Variants in ABI3BP observed in about 807,000 individuals in gnomAD.
ABI3BP encodes target of Nesh-SH3.
Under a neutral mutation model 268.6 loss-of-function variants are expected in ABI3BP, and 216 were observed. The ratio of observed to expected loss-of-function variants is 0.80; its 90% CI spans 0.72 to 0.90. The LOEUF is 0.90. Ranked by LOEUF, ABI3BP falls within the 40% of genes least tolerant of loss-of-function variation. The pLI, the probability that ABI3BP is intolerant of heterozygous loss-of-function variation, is 0.00. For synonymous variants in ABI3BP, 730 were observed against 730.0 expected, an observed-to-expected ratio of 1.00 and a Z score of 0.00; for missense variants, 2,090 against 2,182.4, an observed-to-expected ratio of 0.96 and a Z score of 0.84.
chr3:100,932,930 A>G (rs1310215479), intron 1 of ABI3BP, among the ~76,000 whole-genome samples: 4 of 151,868 alleles, frequency 2.6e-5, no homozygotes, highest in Non-Finnish European at 5.9e-5. Context: ...AAGCTAAACT[A>G]TCATGGACAT....
intron 1 of ABI3BP, among the ~76,000 whole-genome samples, chr3:100,985,601 C>T (rs1356664281): frequency 6.6e-6 from 1 of 152,070 alleles, no homozygotes; most frequent in Non-Finnish European, 1.5e-5. Context: ...TTTTGTGTGC[C>T]TCTGTACATG....
intron 53 of ABI3BP, among the ~76,000 whole-genome samples, chr3:100,795,312 T>C (rs1479363118): frequency 1.3e-5 from 2 of 152,018 alleles, no homozygotes; most frequent in African/African-American, 4.8e-5. Flanking sequence ...TCTCCCCCGT[T>C]CAAGAGAGCA....
At position 100,902,703 on chromosome 3, in the gene ABI3BP, T is replaced by C; in HGVS notation, c.260-17A>G. On this transcript the variant is annotated splice_polypyrimidine_tract_variant and intron_variant, in intron 2 of 67. Coordinates refer to ENST00000471714, the MANE Select transcript of ABI3BP (RefSeq NM_001375547.2). The stretch of plus-strand genomic sequence containing the variant: ...GCTCTGCATCTGGAAGCAATAACAT[T>C]ATTTATCAGAAAAACCCTTTGAGAA... 6.2e-7 allele frequency: 1 copy of C among 1,611,758 alleles called. No individual in the cohort carries two copies. The highest frequency in any genetic ancestry group is 8.5e-7 in the Non-Finnish European group (1 of 1,178,468).
chr3:100,977,324 A>G (rs1427052486), intron 1 of ABI3BP, among the ~76,000 whole-genome samples: 2 of 152,226 alleles, frequency 1.3e-5, no homozygotes, highest in Non-Finnish European at 2.9e-5. Context: ...AACAATAAGC[A>G]TTCATCATCC....
chr3:100,962,800 T>G (rs544617496), intron 1 of ABI3BP, among the ~76,000 whole-genome samples: 9 of 152,302 alleles, frequency 5.9e-5, no homozygotes, highest in African/African-American at 2.2e-4. Flanking sequence ...TTCTGAAACA[T>G]TTTTTGGTGA....
intron 6 of ABI3BP, 44 bp downstream of exon 6, chr3:100,885,492 A>G (rs750633743): frequency 1.7e-6 from 2 of 1,194,404 alleles, no homozygotes; most frequent in Admixed American, 2.7e-5. Flanking sequence ...AACAATGCAG[A>G]TACAATTTTT....
At chr3:100,759,105 C>T (rs907853963) in intron 63 of ABI3BP, among the ~76,000 whole-genome samples, 62 of 152,230 alleles carry the variant, frequency 4.1e-4, no homozygotes, top group African/African-American at 1.3e-3. Context: ...GGTTTTCATT[C>T]TAACAAAAGT....
chr3:100,900,510 C>T (rs2049804067), intron 3 of ABI3BP, among the ~76,000 whole-genome samples: 1 of 152,154 alleles, frequency 6.6e-6, no homozygotes, highest in Admixed American at 6.5e-5. Flanking sequence ...TGTCTTGGCT[C>T]TCTATGTATA....
chr3:100,940,405 C>T (rs201169930), intron 1 of ABI3BP, among the ~76,000 whole-genome samples: 11 of 151,936 alleles, frequency 7.2e-5, no homozygotes, highest in Admixed American at 2.6e-4. Context: ...TGACTTCAGC[C>T]GGTCCCTCCG....
At chr3:100,809,759 A>C (rs2152471419) in intron 49 of ABI3BP, among the ~76,000 whole-genome samples, 1 of 152,238 alleles carries the variant, frequency 6.6e-6, no homozygotes, top group African/African-American at 2.4e-5. Flanking sequence ...TGAAACCTAC[A>C]GCTATTAAGA....
Position 100,775,474 on chromosome 3 carries a change from A to T in ABI3BP, c.4334-139T>A, listed in dbSNP as rs1469900542. 9 of 1,125,394 alleles carry T rather than the reference A, an allele frequency of 8.0e-6. No homozygotes were observed. In the African/African-American group the frequency reaches 1.3e-4, roughly 16 times the overall value. 69.7% of individuals were successfully genotyped at this position (1,125,394 alleles called of 1,614,324 possible). ...AGACCAGGCTTGGAGAGAAAACAAG[A>T]CCTGATTCTTGGTGGAGATAGATGT... On this transcript the variant is annotated intron_variant, in intron 59 of 67. Coordinates refer to ENST00000471714, the MANE Select transcript of ABI3BP (RefSeq NM_001375547.2).
intron 1 of ABI3BP, among the ~76,000 whole-genome samples, chr3:100,992,045 C>T (rs1259933003): frequency 1.3e-5 from 2 of 152,130 alleles, no homozygotes; most frequent in Non-Finnish European, 2.9e-5. Context: ...GCTTGTGGCT[C>T]ATAATTGATT....
chr3:100,918,790 A>C (rs2059420769), intron 2 of ABI3BP, among the ~76,000 whole-genome samples: 1 of 152,176 alleles, frequency 6.6e-6, no homozygotes, highest in Non-Finnish European at 1.5e-5. Context: ...TTATAGAAGC[A>C]ACACCTTTGT....
chr3:100,813,929 A>G (rs1015775137), intron 44 of ABI3BP, among the ~76,000 whole-genome samples, 194 bp from the exon 45 acceptor site: 1 of 152,158 alleles, frequency 6.6e-6, no homozygotes, highest in Non-Finnish European at 1.5e-5. Flanking sequence ...GTGGGCCAAT[A>G]ATGATTCTCA....
chr3:100,788,556 A>C (rs773902955), intron 56 of ABI3BP, among the ~76,000 whole-genome samples: 13 of 152,046 alleles, frequency 8.6e-5, no homozygotes, highest in Non-Finnish European at 1.6e-4. Flanking sequence ...CATGATTGTT[A>C]CTACTTAGTT....
chr3:100,792,620 A>T (rs1345192835), intron 55 of ABI3BP, 71 bp downstream of exon 55: 5 of 1,483,620 alleles, frequency 3.4e-6, no homozygotes, highest in Admixed American at 1.8e-5. Flanking sequence ...TGACATTCTG[A>T]AAGAAAATTT....
chr3:100,785,294 G>A (rs1457524437), intron 57 of ABI3BP, among the ~76,000 whole-genome samples: 2 of 152,124 alleles, frequency 1.3e-5, no homozygotes, highest in African/African-American at 4.8e-5. Context: ...CTGAAAGTGT[G>A]GATGAGACAG....
chr3:100,917,125 G>A (rs1415446413), intron 2 of ABI3BP, among the ~76,000 whole-genome samples: 2 of 152,266 alleles, frequency 1.3e-5, no homozygotes, highest in South Asian at 4.1e-4. Flanking sequence ...GCAAACTCTG[G>A]GTAGTCAGCT....
chr3:100,986,562 G>A (rs112308333), intron 1 of ABI3BP, among the ~76,000 whole-genome samples: 9,524 of 152,144 alleles, frequency 0.063, 426 homozygotes, highest in Non-Finnish European at 0.091. Context: ...CGCCTCCTGG[G>A]CTCAAGTAAT....
Sources: allele counts gnomAD v4.1 joint callset (sites outside exome capture counted in the v4.1 genomes callset), GRCh38; gene constraint gnomAD v4.1.1; transcripts MANE v1.5; gene names NCBI Gene and HGNC (gene_info 2026-07-23, HGNC 2026-07-21).